The following SSBP3 variants were observed in gnomAD, a reference collection of about 807,000 sequenced individuals.
The protein encoded by SSBP3 is single-stranded DNA-binding protein 3.
SSBP3 carries 5 observed loss-of-function variants against 69.6 expected under a neutral mutation model. That is an observed-to-expected ratio of 0.07 (90% CI 0.04 to 0.15). The LOEUF (loss-of-function observed/expected upper bound fraction) is 0.15, where lower values mean the gene tolerates loss of function less well. SSBP3 is among the 10% of genes least tolerant of loss of function. The probability of loss-of-function intolerance (pLI) is 1.00; values close to 1 mark genes in which losing one functional copy is unlikely to be tolerated. For synonymous variants in SSBP3, 196 were observed against 193.4 expected, an observed-to-expected ratio of 1.01 and a Z score of -0.11; for missense variants, 312 against 534.0, an observed-to-expected ratio of 0.58 and a Z score of 4.10.
exon 1 of SSBP3, chr1:54,406,241 T>G: frequency 2.7e-6 from 1 of 368,590 alleles, no homozygotes. Context: ...GCCCTGGAAC[T>G]CCTTCCGCGC....
intron 4 of SSBP3, among the ~76,000 whole-genome samples, chr1:54,316,662 AAAT>A (rs1274694989): frequency 0.019 from 515 of 26,424 alleles, 30 homozygotes; most frequent in East Asian, 0.078. Flanking sequence ...AAAAAAAATA[AAAT>A]AAATAAATAA....
chr1:54,308,978 A>C (rs1019361696), intron 4 of SSBP3, among the ~76,000 whole-genome samples: 2 of 152,202 alleles, frequency 1.3e-5, no homozygotes, highest in African/African-American at 4.8e-5. Context: ...AATCAGGGAC[A>C]AGAGACAAAA....
At chr1:54,359,352 G>A (rs1477330758) in intron 4 of SSBP3, among the ~76,000 whole-genome samples, 1 of 152,156 alleles carries the variant, frequency 6.6e-6, no homozygotes, top group East Asian at 1.9e-4. Flanking sequence ...ATCACTGAAG[G>A]TAAAGCAGAG....
chr1:54,407,723 A>T (rs1472184513), upstream of SSBP3, among the ~76,000 whole-genome samples: 1 of 138,146 alleles, frequency 7.2e-6, no homozygotes, highest in Non-Finnish European at 1.5e-5. Flanking sequence ...TCTTTAGGGG[A>T]GCCTTGAAAC....
chr1:54,326,158 T>C (rs2100413640), intron 4 of SSBP3, among the ~76,000 whole-genome samples: 1 of 152,204 alleles, frequency 6.6e-6, no homozygotes, highest in Non-Finnish European at 1.5e-5. Context: ...AGTGGGTAAT[T>C]AGAGTCTCTT....
intron 4 of SSBP3, among the ~76,000 whole-genome samples, chr1:54,282,891 G>C (rs976819558): frequency 6.6e-6 from 1 of 152,210 alleles, no homozygotes; most frequent in African/African-American, 2.4e-5. Context: ...TCAGGAAACA[G>C]AACGCCTTTT....
intron 9 of SSBP3, among the ~76,000 whole-genome samples, chr1:54,251,389 C>A (rs1644825630): frequency 6.6e-6 from 1 of 152,196 alleles, no homozygotes; most frequent in Non-Finnish European, 1.5e-5. Flanking sequence ...TCCTAGCTCC[C>A]TGGTGGGGGC....
chr1:54,240,043 ATGGGG>A (rs1644578448), intron 13 of SSBP3, among the ~76,000 whole-genome samples: 1 of 108,716 alleles, frequency 9.2e-6, no homozygotes. Flanking sequence ...CATAATTGTG[ATGGGG>A]TGTGTGTGTG....
intron 4 of SSBP3, among the ~76,000 whole-genome samples, chr1:54,305,118 T>C (rs1569720440): frequency 6.6e-6 from 1 of 152,024 alleles, no homozygotes; most frequent in African/African-American, 2.4e-5. Flanking sequence ...AGGCCAGGGG[T>C]AACTAACTTC....
At chr1:54,396,311 G>A (rs1035183452) in intron 4 of SSBP3, among the ~76,000 whole-genome samples, 2 of 150,776 alleles carry the variant, frequency 1.3e-5, no homozygotes, top group Admixed American at 1.3e-4. Flanking sequence ...AGAAGTTTAT[G>A]TGAATAGTCT....
chr1:54,269,430 C>T (rs1645155170), intron 5 of SSBP3, among the ~76,000 whole-genome samples: 1 of 152,164 alleles, frequency 6.6e-6, no homozygotes, highest in Non-Finnish European at 1.5e-5. Context: ...GGTGGGGACA[C>T]TATGGTCCAG....
At chr1:54,342,919 C>T (rs1346777424) in intron 4 of SSBP3, among the ~76,000 whole-genome samples, 3 of 152,166 alleles carry the variant, frequency 2.0e-5, no homozygotes, top group Non-Finnish European at 4.4e-5. Flanking sequence ...CAAGGGAAAA[C>T]GCTCCCCGAT....
At chr1:54,285,602 T>C (rs1415274259) in intron 4 of SSBP3, 1 of 152,196 alleles carries the variant, frequency 6.6e-6, no homozygotes, top group Non-Finnish European at 1.5e-5. Context: ...TTCAGAGACC[T>C]GCTCAAAGCT....
chr1:54,389,302 G>A lies in SSBP3; in HGVS notation c.276+12559C>T, dbSNP rs1648309803. ...GGGTGGTAGGAGATTTAATAAAAGG[G>A]AGCCTTTTGAGTGAAGAGATAGCAA... On this transcript the variant is annotated intron_variant, in intron 4 of 17. Coordinates refer to ENST00000610401, the Ensembl canonical transcript of SSBP3. Among the ~76,000 whole-genome samples, 3 of 152,116 alleles carry A rather than the reference G, an allele frequency of 2.0e-5. No individual in the cohort carries two copies. In the South Asian group the frequency reaches 6.2e-4, roughly 32 times the overall value.
At chr1:54,324,756 C>T (rs1275224314) in intron 4 of SSBP3, among the ~76,000 whole-genome samples, 1 of 152,148 alleles carries the variant, frequency 6.6e-6, no homozygotes. Context: ...AAAAGTTCTG[C>T]GTCAAGGCAT....
chr1:54,373,601 A>C (rs189262323), intron 4 of SSBP3, among the ~76,000 whole-genome samples: 1 of 150,452 alleles, frequency 6.6e-6, no homozygotes, highest in African/African-American at 2.4e-5. Flanking sequence ...CCATCTCTAT[A>C]AAAAAAAATA....
intron 4 of SSBP3, among the ~76,000 whole-genome samples, chr1:54,382,457 G>A (rs370961518): frequency 6.0e-4 from 91 of 152,318 alleles, no homozygotes; most frequent in Non-Finnish European, 1.1e-3. Context: ...AGATTTGCTG[G>A]TGTCTTTGCT....
chr1:54,283,649 G>C (rs1381736510), intron 4 of SSBP3, among the ~76,000 whole-genome samples: 1 of 152,206 alleles, frequency 6.6e-6, no homozygotes, highest in Non-Finnish European at 1.5e-5. Flanking sequence ...AAGAGAATGG[G>C]CAAGCCGCAC....
intron 4 of SSBP3, among the ~76,000 whole-genome samples, chr1:54,316,697 TAAATAAATAAATAAAATAAAATA>T (rs1557525643): frequency 8.1e-6 from 1 of 124,088 alleles, no homozygotes; most frequent in Admixed American, 7.5e-5. Flanking sequence ...AATAAATAAA[TAAATAAATAAATAAAATAAAATA>T]AAATAAAATA....
Sources: gnomAD v4.1 joint callset for allele counts (sites outside exome capture counted in the v4.1 genomes callset) on GRCh38, gnomAD v4.1.1 for gene constraint, MANE v1.5 for transcripts, NCBI Gene and HGNC (gene_info 2026-07-23, HGNC 2026-07-21) for gene names.